MRPS5: variants seen among roughly 807,000 people sequenced by gnomAD.
MRPS5 encodes mitochondrial ribosomal protein S5.
In MRPS5, 27 loss-of-function variants were observed where a neutral mutation model predicts 51.9. That is an observed-to-expected ratio of 0.52 (90% CI 0.38 to 0.72). The LOEUF (loss-of-function observed/expected upper bound fraction) is 0.72, where lower values mean the gene tolerates loss of function less well. Among genes scored for constraint, MRPS5 ranks in the 30% least tolerant of loss-of-function variants. The pLI is 0.00. For missense variants in MRPS5, 570 were observed against 545.7 expected (o/e 1.04, Z -0.44); for synonymous variants, 196 against 193.2 (o/e 1.01, Z -0.12).
chr2:95,097,143 G>C (rs996375927), intron 10 of MRPS5, among the ~76,000 whole-genome samples: 2 of 152,166 alleles, frequency 1.3e-5, no homozygotes, highest in African/African-American at 4.8e-5. Context: ...AGATGTGAAG[G>C]ACCTCTTCAA....
At chr2:95,102,458 T>G (rs1312377692) in intron 7 of MRPS5, among the ~76,000 whole-genome samples, 2 of 152,060 alleles carry the variant, frequency 1.3e-5, no homozygotes, top group African/African-American at 4.8e-5. Context: ...GAGCTCGAGT[T>G]CAAGATGAGC....
chr2:95,107,354 A>AC (rs928340445), intron 5 of MRPS5, among the ~76,000 whole-genome samples: 46 of 151,308 alleles, frequency 3.0e-4, no homozygotes, highest in African/African-American at 1.1e-3. Flanking sequence ...ATCACACAAC[A>AC]CCCCCACCTA....
chr2:95,090,561 C>A (rs1206223737), intron 10 of MRPS5, 39 bp from the exon 11 acceptor site: 1 of 1,612,294 alleles, frequency 6.2e-7, no homozygotes, highest in East Asian at 2.2e-5. Context: ...AGCCCACTCG[C>A]CTGCAGCCGG....
intron 2 of MRPS5, 79 bp downstream of exon 2, chr2:95,117,786 A>T: frequency 1.7e-6 from 2 of 1,171,552 alleles, no homozygotes; most frequent in Non-Finnish European, 2.5e-6. Context: ...GCAGGTGATT[A>T]CTTATATTTT....
Position 95,115,128 on chromosome 2 carries a change from C to G in MRPS5, c.215G>C (p.Cys72Ser), listed in dbSNP as rs144545594. The G allele has an allele frequency of 1.2e-6, 2 of 1,612,598 alleles. No homozygotes were observed. Among genetic ancestry groups the G allele is most frequent in the African/African-American group, 2.7e-5 (2 of 74,938 alleles). The change falls in exon 3 of 12, where the codon TGT becomes TCT. Residue 72 changes from cysteine to serine, a missense_variant. Cys to Ser is a moderately radical substitution (Grantham distance 112, BLOSUM62 -1). Coordinates refer to ENST00000272418, the MANE Select transcript of MRPS5 (RefSeq NM_031902.5). ...SLSRALQTQC[C>S]ISSPSHLMSQ... ...CATCAGGTGACTGGGAGAAGAAATA[C>G]AGCATTGTGTCTGCAGTGCACGGCT...
chr2:95,117,947 T>A lies in MRPS5; in HGVS notation c.59-2A>T. On this transcript the variant is annotated splice_acceptor_variant, in intron 1 of 11. Coordinates refer to ENST00000272418, the MANE Select transcript of MRPS5 (RefSeq NM_031902.5). LOFTEE classifies it high-confidence loss of function. ...AACACTGCCTCCCCAATAAATGACCTGCAAATTGGAAAAAAAAAAATTTAA... is the reference window on the plus strand; with the variant it reads ...AACACTGCCTCCCCAATAAATGACCAGCAAATTGGAAAAAAAAAAATTTAA... The A allele has an allele frequency of 6.3e-7, 1 of 1,588,088 alleles. No homozygotes were observed.
At chr2:95,094,509 A>G (rs1204401303) in intron 10 of MRPS5, among the ~76,000 whole-genome samples, 9 of 152,244 alleles carry the variant, frequency 5.9e-5, no homozygotes, top group Non-Finnish European at 1.3e-4. Context: ...CCACAAAGGG[A>G]AGCCCATCAG....
At chr2:95,105,964 T>C (rs1428622724) in intron 6 of MRPS5, among the ~76,000 whole-genome samples, 1 of 152,156 alleles carries the variant, frequency 6.6e-6, no homozygotes, top group Admixed American at 6.5e-5. Flanking sequence ...ATACAGACTT[T>C]AGTTTCAAGG....
At position 95,117,955 on chromosome 2, in the gene MRPS5, G is replaced by GA; in HGVS notation, c.59-11_59-10insT. On this transcript the variant is annotated splice_polypyrimidine_tract_variant and intron_variant, in intron 1 of 11. Coordinates refer to ENST00000272418, the MANE Select transcript of MRPS5 (RefSeq NM_031902.5). ...CTCCCCAATAAATGACCTGCAAATTGGAAAAAAAAAAATTTAAGATACATT... is the reference window on the plus strand; with the variant it reads ...CTCCCCAATAAATGACCTGCAAATTGAGAAAAAAAAAAATTTAAGATACATT... The GA allele has an allele frequency of 6.4e-7, 1 of 1,570,680 alleles. No individual in the cohort carries two copies. Among genetic ancestry groups the GA allele is most frequent in the African/African-American group, 1.4e-5 (1 of 71,576 alleles).
rs547608971 is a variant in MRPS5 at position 95,088,851 on chromosome 2, G to A, written c.1069-1270C>T. ...TGGGAGGCCAAGGCGGGTGGATCAC[G>A]AGGTCAGGAGTTCAAGACCAGCCTG... is the stretch of plus-strand genomic sequence containing the variant. On this transcript the variant is annotated intron_variant, in intron 11 of 11. Transcript: ENST00000272418. Among the ~76,000 whole-genome samples, 22 of 152,288 alleles carry A rather than the reference G, an allele frequency of 1.4e-4. No individual in the cohort carries two copies. The East Asian group carries it at 2.7e-3, about 19-fold the overall frequency.
At position 95,117,886 on chromosome 2, in the gene MRPS5, A is replaced by G; in HGVS notation, c.118T>C (p.Trp40Arg). 1 of 1,609,566 alleles carries G rather than the reference A, an allele frequency of 6.2e-7. No homozygotes were observed. The highest frequency in any genetic ancestry group is 8.5e-7 in the Non-Finnish European group (1 of 1,179,088). The change falls in exon 2 of 12, where the codon TGG becomes CGG. Residue 40 changes from tryptophan (W) to arginine (R), a missense_variant. Trp to Arg is a moderately radical substitution (Grantham distance 101). Transcript: ENST00000272418. ...NTLPAASILA[W>R]KSVLGNGHLS... is the part of the protein sequence containing the mutation. Reference sequence around the variant, plus strand: ...TCACCATTGCCGAGAACACTCTTCCATGCCAAAATGGAAGCTGCTGGTAAG... The same window carrying G: ...TCACCATTGCCGAGAACACTCTTCCGTGCCAAAATGGAAGCTGCTGGTAAG...
In MRPS5 at chr2:95,090,425, G is replaced by C. The variant is rs779110448; in HGVS notation, c.1029C>G (p.Leu343=). 2 of 1,614,094 alleles carry C rather than the reference G, an allele frequency of 1.2e-6. No homozygotes were observed. Among genetic ancestry groups the C allele is most frequent in the Non-Finnish European group, 8.5e-7 (1 of 1,180,012 alleles). ...YAKVSGSINM[L]SLTQGLFRGL... is the part of the protein sequence containing the mutation. ...CACGGAAGAGGCCCTGGGTGAGGCT[G>C]AGCATATTAATGGACCCAGAGACCT... Residue 343 remains leucine, a synonymous_variant, in exon 11 of 12, where the codon CTC becomes CTG. Transcript: ENST00000272418.
At chr2:95,110,154 T>C in intron 3 of MRPS5, 113 bp from the exon 4 acceptor site, 1 of 1,350,482 alleles carries the variant, frequency 7.4e-7, no homozygotes, top group South Asian at 1.5e-5. Flanking sequence ...TACCCATGCA[T>C]CACTGAGGTA....
In MRPS5 at chr2:95,085,956, C is replaced by A. The variant is rs1675276890; in HGVS notation, c.*1401G>T. On this transcript the variant is annotated 3_prime_UTR_variant, in exon 12 of 12. Coordinates refer to ENST00000272418, the MANE Select transcript of MRPS5 (RefSeq NM_031902.5). ...TGGAGACAAGGTCTCACTCTGCCAC[C>A]CAGGCTGGAGTGGCATGAACAAGGC... 3.3e-5 allele frequency among the ~76,000 whole-genome samples: 5 copies of A among 151,796 alleles called. No homozygotes were observed. Among genetic ancestry groups the A allele is most frequent in the Admixed American group, 3.3e-4 (5 of 15,242 alleles).
At chr2:95,106,137 T>C (rs1675941709) in intron 6 of MRPS5, among the ~76,000 whole-genome samples, 1 of 152,214 alleles carries the variant, frequency 6.6e-6, no homozygotes, top group Admixed American at 6.5e-5. Context: ...AATGCTACTT[T>C]AGGAAGGAGA....
chr2:95,093,101 T>G (rs955780221), intron 10 of MRPS5: 70 of 152,378 alleles, frequency 4.6e-4, no homozygotes, highest in African/African-American at 1.6e-3. Flanking sequence ...CCTTGCTCAC[T>G]GCTAGCGCAG....
intron 3 of MRPS5, among the ~76,000 whole-genome samples, chr2:95,113,503 A>G (rs1573349358): frequency 6.6e-6 from 1 of 152,114 alleles, no homozygotes; most frequent in Non-Finnish European, 1.5e-5. Context: ...ATAAAAATAA[A>G]TAAAAATTCC....
chr2:95,116,151 G>A (rs183661092), intron 2 of MRPS5, among the ~76,000 whole-genome samples: 14 of 151,794 alleles, frequency 9.2e-5, no homozygotes, highest in African/African-American at 2.4e-4. Flanking sequence ...TGATCCACCC[G>A]CCTCGGCCTC....
At chr2:95,108,021 G>A (rs1676000746) in intron 5 of MRPS5, among the ~76,000 whole-genome samples, 154 bp downstream of exon 5, 1 of 152,192 alleles carries the variant, frequency 6.6e-6, no homozygotes, top group Non-Finnish European at 1.5e-5. Flanking sequence ...ACAAAATACA[G>A]TTGGGATATT....
Sources: allele counts gnomAD v4.1 joint callset (sites outside exome capture counted in the v4.1 genomes callset), GRCh38; gene constraint gnomAD v4.1.1; transcripts MANE v1.5; gene names NCBI Gene and HGNC (gene_info 2026-07-23, HGNC 2026-07-21).